Variants in VPS16 observed in about 807,000 individuals in gnomAD.
VPS16 encodes VPS16 core subunit of CORVET and HOPS complexes.
A neutral mutation model predicts 116.0 loss-of-function variants in VPS16; 82 were observed. That is an observed-to-expected ratio of 0.71 (90% CI 0.59 to 0.85). VPS16 has a LOEUF of 0.85. Among genes scored for constraint, VPS16 ranks in the 40% least tolerant of loss-of-function variants. The probability of loss-of-function intolerance (pLI) is 0.00; values close to 1 mark genes in which losing one functional copy is unlikely to be tolerated. For missense variants in VPS16, 928 were observed against 1,090.6 expected (o/e 0.85, Z 2.10); for synonymous variants, 406 against 420.7 (o/e 0.96, Z 0.43).
chr20:2,863,125 G>C lies in VPS16; in HGVS notation c.1367+25G>C. 1 of 1,613,824 alleles carries C rather than the reference G, an allele frequency of 6.2e-7. No homozygotes were observed. The highest frequency in any genetic ancestry group is 1.1e-5 in the South Asian group (1 of 91,068). The stretch of plus-strand genomic sequence containing the variant: ...GGTAGGGTAAGCCCAAGGGTGCAGT[G>C]AGCGGGCTGTCAGGGGGGTGGGCAT... On this transcript the variant is annotated intron_variant, in intron 14 of 23. Transcript: ENST00000380445. The surrounding 1 kb of genome is among the most constrained non-coding windows in gnomAD (Gnocchi z 4.4).
chr20:2,846,519 C>T (rs964425772), intron 1 of VPS16, among the ~76,000 whole-genome samples: 1 of 152,156 alleles, frequency 6.6e-6, no homozygotes, highest in African/African-American at 2.4e-5. Flanking sequence ...GCTGATGTAC[C>T]ATTTTACATT....
At chr20:2,848,212 C>G (rs2089081142) in intron 1 of VPS16, among the ~76,000 whole-genome samples, 1 of 152,158 alleles carries the variant, frequency 6.6e-6, no homozygotes, top group Admixed American at 6.5e-5. Flanking sequence ...ATTCACTCAC[C>G]ACAAGGGCTC....
At chr20:2,850,833 A>G (rs565862649) in intron 1 of VPS16, among the ~76,000 whole-genome samples, 1 of 151,044 alleles carries the variant, frequency 6.6e-6, no homozygotes, top group Non-Finnish European at 1.5e-5. Flanking sequence ...ACAGCTGGGC[A>G]TGGTGGTGCA....
In VPS16 at chr20:2,859,092, G is replaced by A. The variant is rs528474094; in HGVS notation, c.54-627G>A. 5.3e-5 allele frequency among the ~76,000 whole-genome samples: 8 copies of A among 152,264 alleles called. 1 individual carries two copies. In the South Asian group the frequency reaches 1.7e-3, roughly 32 times the overall value. The stretch of plus-strand genomic sequence containing the variant: ...GTAGGAGGATTGCTTGAGCCCAGGA[G>A]TTTGAGACCAGCCTGGGCAACATGG... On this transcript the variant is annotated intron_variant, in intron 1 of 23. Transcript: ENST00000380445.
In VPS16 at chr20:2,863,608, C is replaced by A. The variant is rs530127854; in HGVS notation, c.1476+210C>A. On this transcript the variant is annotated intron_variant, in intron 15 of 23. Coordinates refer to ENST00000380445, the MANE Select transcript of VPS16 (RefSeq NM_022575.4). The surrounding 1 kb of genome is among the most constrained non-coding windows in gnomAD (Gnocchi z 4.4). ...TGAAACCCCGTCTCTACTAAAAATA[C>A]AAAATTAGCCGGGCACGGTGGCGCA... Among the ~76,000 whole-genome samples, 2 of 151,518 alleles carry A rather than the reference C, an allele frequency of 1.3e-5. No individual in the cohort carries two copies. Among genetic ancestry groups the A allele is most frequent in the African/African-American group, 4.8e-5 (2 of 41,298 alleles).
rs1399466833 is a variant in VPS16, at chr20:2,863,223, T to G, written c.1368-67T>G. 1 of 1,610,198 alleles carries G rather than the reference T, an allele frequency of 6.2e-7. No homozygotes were observed. The highest frequency in any genetic ancestry group is 2.2e-5 in the East Asian group (1 of 44,852). On this transcript the variant is annotated intron_variant, in intron 14 of 23. Transcript: ENST00000380445. This position sits in a 1 kb window ranked among gnomAD's most constrained non-coding sequence, Gnocchi z 4.4. ...GATGTGGGAGGCCTGATGTGCAGGC[T>G]GAGGCCACTCTGCTCCCTTTCTCCT...
intron 1 of VPS16, among the ~76,000 whole-genome samples, chr20:2,859,363 A>G (rs952605119): frequency 5.3e-5 from 8 of 152,202 alleles, no homozygotes; most frequent in African/African-American, 1.9e-4. Flanking sequence ...ATTTCCTGCT[A>G]AAGCTGGCCT....
chr20:2,844,404 C>T (rs551088452), intron 1 of VPS16, among the ~76,000 whole-genome samples: 2 of 152,140 alleles, frequency 1.3e-5, no homozygotes, highest in African/African-American at 4.8e-5. Flanking sequence ...GGAGGAGAAA[C>T]GGTGACCAGT....
chr20:2,862,512 T>C, intron 11 of VPS16, 67 bp from the exon 12 acceptor site: 1 of 1,573,576 alleles, frequency 6.4e-7, no homozygotes, highest in Middle Eastern at 2.2e-4. Flanking sequence ...CAACCCAGAA[T>C]GGTTAGGGGC....
At position 2,864,956 on chromosome 20, in the gene VPS16, G is replaced by T; in HGVS notation, c.1927-22G>T. The T allele has an allele frequency of 6.2e-7, 1 of 1,614,086 alleles. No homozygotes were observed. The highest frequency in any genetic ancestry group is 8.5e-7 in the Non-Finnish European group (1 of 1,179,980). ...AGGGTCCTGCATGCTGTGAGTTCAG[G>T]CCTTCCTTCTTGTCTTTATAGCGTA... On this transcript the variant is annotated intron_variant, in intron 19 of 23. Coordinates refer to ENST00000380445, the MANE Select transcript of VPS16 (RefSeq NM_022575.4). This position sits in a 1 kb window ranked among gnomAD's most constrained non-coding sequence, Gnocchi z 5.2.
At chr20:2,849,300 CTTTTT>C (rs11473184) in intron 1 of VPS16, among the ~76,000 whole-genome samples, 2 of 133,714 alleles carry the variant, frequency 1.5e-5, no homozygotes, top group East Asian at 2.2e-4. Context: ...GAATAAGATT[CTTTTT>C]TTTTTTTTTT....
In VPS16 at chr20:2,865,387, G is replaced by C; in HGVS notation, c.2175-12G>C. On this transcript the variant is annotated splice_polypyrimidine_tract_variant and intron_variant, in intron 21 of 23. Coordinates refer to ENST00000380445, the MANE Select transcript of VPS16 (RefSeq NM_022575.4). This position sits in a 1 kb window ranked among gnomAD's most constrained non-coding sequence, Gnocchi z 5.2. ...CTCTCCTGCAACACCTCCAAGCCCA[G>C]CTTTCCTGCAGGCTCTGGTGGCTGA... 6.2e-7 allele frequency: 1 copy of C among 1,614,086 alleles called. No individual in the cohort carries two copies. The highest frequency in any genetic ancestry group is 1.1e-5 in the South Asian group (1 of 91,076).
rs2089354350 is a variant in VPS16 at position 2,866,655 on chromosome 20, T to C, written c.*81T>C. The C allele has an allele frequency of 6.3e-7, 1 of 1,578,680 alleles. No homozygotes were observed. Among genetic ancestry groups the C allele is most frequent in the Non-Finnish European group, 8.6e-7 (1 of 1,161,766 alleles). ...GCAGAAGGGCCATAGTTCATCCAGC[T>C]CCTCCCCTAGAGCAATGCTGAGGAG... On this transcript the variant is annotated 3_prime_UTR_variant, in exon 24 of 24. Coordinates refer to ENST00000380445, the MANE Select transcript of VPS16 (RefSeq NM_022575.4).
At chr20:2,858,590 A>G (rs2089197735) in intron 1 of VPS16, among the ~76,000 whole-genome samples, 1 of 152,138 alleles carries the variant, frequency 6.6e-6, no homozygotes, top group Non-Finnish European at 1.5e-5. Context: ...GGTCCCTGAA[A>G]TGATACCGGC....
intron 1 of VPS16, among the ~76,000 whole-genome samples, chr20:2,842,864 CGATAGATA>C (rs144890358): frequency 1.4e-4 from 5 of 36,690 alleles, no homozygotes; most frequent in South Asian, 7.5e-4. Context: ...ATGTATCTAT[CGATAGATA>C]GATAGATGTA....
intron 1 of VPS16, chr20:2,841,108 G>C: frequency 2.0e-6 from 1 of 499,756 alleles, no homozygotes; most frequent in South Asian, 2.4e-5. Flanking sequence ...GAGGCAGCTC[G>C]CGGGTGACAG....
In VPS16 at chr20:2,864,893, G is replaced by T; in HGVS notation, c.1927-85G>T. ...CTGACCCTGGCGACCCTGGGCACAG[G>T]GATGGGGGAGAAGACTGTAGCCTGG... On this transcript the variant is annotated intron_variant, in intron 19 of 23. Coordinates refer to ENST00000380445, the MANE Select transcript of VPS16 (RefSeq NM_022575.4). The surrounding 1 kb of genome is among the most constrained non-coding windows in gnomAD (Gnocchi z 5.2). 1 of 1,580,772 alleles carries T rather than the reference G, an allele frequency of 6.3e-7. No individual in the cohort carries two copies. The highest frequency in any genetic ancestry group is 8.7e-7 in the Non-Finnish European group (1 of 1,152,594).
chr20:2,848,007 C>T (rs985072476), intron 1 of VPS16, among the ~76,000 whole-genome samples: 1 of 152,082 alleles, frequency 6.6e-6, no homozygotes, highest in African/African-American at 2.4e-5. Flanking sequence ...AACCTTGATC[C>T]TTTGTCCTTT....
Position 2,864,237 on chromosome 20 carries a change from G to A in VPS16, c.1670G>A (p.Arg557Lys), listed in dbSNP as rs754960517. The change falls in exon 17 of 24, where the codon AGG (arginine) becomes AAG (lysine). Residue 557 changes from arginine to lysine, a missense_variant. Transcript: ENST00000380445. The surrounding 1 kb of genome is among the most constrained non-coding windows in gnomAD (Gnocchi z 5.2). ...GTACCCCTTCTCCTAAAGATGAAGAGGAGCAAACTGGCACTAAGCAAGGCC... is the reference window on the plus strand; with the variant it reads ...GTACCCCTTCTCCTAAAGATGAAGAAGAGCAAACTGGCACTAAGCAAGGCC... ...EQVPLLLKMK[R>K]SKLALSKAIE... 6.2e-7 allele frequency: 1 copy of A among 1,614,214 alleles called. No individual in the cohort carries two copies. The highest frequency in any genetic ancestry group is 1.1e-5 in the South Asian group (1 of 91,086).
Sources: gnomAD v4.1 joint callset for allele counts (sites outside exome capture counted in the v4.1 genomes callset) on GRCh38, gnomAD v4.1.1 for gene constraint, Gnocchi (gnomAD v3.1) non-coding constraint, MANE v1.5 for transcripts, NCBI Gene and HGNC (gene_info 2026-07-23, HGNC 2026-07-21) for gene names.